SGCD: variants seen among roughly 807,000 people sequenced by gnomAD.
SGCD encodes the protein sarcoglycan delta.
SGCD carries 18 observed loss-of-function variants against 36.6 expected under a neutral mutation model. That is an observed-to-expected ratio of 0.49 (90% CI 0.34 to 0.73). The LOEUF is 0.73. SGCD is among the 30% of genes least tolerant of loss of function. The probability of loss-of-function intolerance (pLI) is 0.01; values close to 1 mark genes in which losing one functional copy is unlikely to be tolerated. For missense variants in SGCD, 387 were observed against 346.7 expected (o/e 1.12, Z -0.92); for synonymous variants, 133 against 130.6 (o/e 1.02, Z -0.12).
intron 7 of SGCD, among the ~76,000 whole-genome samples, chr5:156,737,958 C>T (rs1191111976): frequency 6.6e-6 from 1 of 152,050 alleles, no homozygotes; most frequent in Non-Finnish European, 1.5e-5. Context: ...TAGGCTGAAC[C>T]GATTTTCAAT....
intron 3 of SGCD, among the ~76,000 whole-genome samples, chr5:156,404,326 T>A (rs950950503): frequency 9.9e-5 from 15 of 152,216 alleles, no homozygotes; most frequent in African/African-American, 3.6e-4. Context: ...CAGGGAAATG[T>A]CAGTCTCACA....
the SGCD span, among the ~76,000 whole-genome samples, chr5:155,758,642 T>C: frequency 6.7e-4 from 102 of 152,266 alleles, 1 homozygote; most frequent in South Asian, 4.6e-3. Context: ...ACGAACCGTA[T>C]TGTGAACTGC....
intron 2 of SGCD, among the ~76,000 whole-genome samples, chr5:156,338,384 C>T (rs115211743): frequency 1.3e-5 from 2 of 152,330 alleles, no homozygotes; most frequent in African/African-American, 4.8e-5. Context: ...AGCGGACCAG[C>T]TGTGGATGCT....
At chr5:156,605,438 C>T (rs141749916) in intron 6 of SGCD, among the ~76,000 whole-genome samples, 3,753 of 152,248 alleles carry the variant, frequency 0.025, 156 homozygotes, top group East Asian at 0.17. Flanking sequence ...TTTCTTAATC[C>T]AGTCTATTAT....
At chr5:156,700,382 GGA>G (rs1334049026) in intron 7 of SGCD, among the ~76,000 whole-genome samples, 1 of 151,832 alleles carries the variant, frequency 6.6e-6, no homozygotes, top group Non-Finnish European at 1.5e-5. Context: ...TTTTTCATGG[GGA>G]AAATATAGGT....
At chr5:156,728,078 A>G (rs2113798421) in intron 7 of SGCD, among the ~76,000 whole-genome samples, 1 of 152,346 alleles carries the variant, frequency 6.6e-6, no homozygotes, top group Non-Finnish European at 1.5e-5. Flanking sequence ...ACAGTTGGGT[A>G]AACTGAAGCT....
intron 6 of SGCD, among the ~76,000 whole-genome samples, chr5:156,634,128 GACA>G (rs1360567560): frequency 6.6e-6 from 1 of 152,076 alleles, no homozygotes; most frequent in African/African-American, 2.4e-5. Context: ...TTCCCCACAG[GACA>G]ACGAGCCTAC....
chr5:156,765,149 G>A lies in SGCD; in HGVS notation c.*5759G>A, dbSNP rs1380871248. On this transcript the variant is annotated 3_prime_UTR_variant, in exon 9 of 9. Coordinates refer to ENST00000337851, the MANE Select transcript of SGCD (RefSeq NM_000337.6). ...GCTTGATTTAAAATCCACCCCACAT[G>A]CCTAGAGTTGTCTAATAGTCCCTCA... 1 of 152,178 alleles carries A rather than the reference G, an allele frequency of 6.6e-6. No individual in the cohort carries two copies. Among genetic ancestry groups the A allele is most frequent in the Non-Finnish European group, 1.5e-5 (1 of 68,038 alleles). The allele number at this position is 152,178 out of a possible 1,614,324, so 9.4% of individuals were successfully genotyped here. A position where few individuals can be genotyped will look rare whatever the true frequency, so the allele number is the denominator to read the frequency against.
intron 7 of SGCD, among the ~76,000 whole-genome samples, chr5:156,707,129 C>T (rs570765476): frequency 1.3e-5 from 2 of 152,260 alleles, no homozygotes; most frequent in Non-Finnish European, 2.9e-5. Context: ...ACAAAACTCA[C>T]AAACTTTGGG....
At chr5:155,802,369 TTC>T in the SGCD span, among the ~76,000 whole-genome samples, 1 of 152,222 alleles carries the variant, frequency 6.6e-6, no homozygotes. Context: ...TTATTGAATT[TTC>T]TCTTTCTGGG....
At chr5:156,304,094 G>T (rs1767134094) in intron 3 of SGCD, among the ~76,000 whole-genome samples, 1 of 152,144 alleles carries the variant, frequency 6.6e-6, no homozygotes, top group Non-Finnish European at 1.5e-5. Context: ...TTGGACCACA[G>T]AGCACTTTAG....
chr5:155,783,565 G>A, the SGCD span, among the ~76,000 whole-genome samples: 1 of 151,592 alleles, frequency 6.6e-6, no homozygotes, highest in African/African-American at 2.4e-5. Context: ...AACTCTGAAA[G>A]CATAGTCACT....
At chr5:155,859,619 G>T in the SGCD span, among the ~76,000 whole-genome samples, 4 of 152,004 alleles carry the variant, frequency 2.6e-5, no homozygotes, top group African/African-American at 9.7e-5. Context: ...TTTTGTTGTT[G>T]TTTTTGTTTT....
intron 4 of SGCD, among the ~76,000 whole-genome samples, chr5:156,524,184 CTATATATA>C (rs370041027): frequency 1.3e-5 from 1 of 75,238 alleles, no homozygotes; most frequent in Non-Finnish European, 2.5e-5. Flanking sequence ...ATAGGTCTTA[CTATATATA>C]TATATATATA....
At chr5:156,406,137 T>C (rs1043647762) in intron 3 of SGCD, among the ~76,000 whole-genome samples, 1 of 152,060 alleles carries the variant, frequency 6.6e-6, no homozygotes, top group African/African-American at 2.4e-5. Context: ...CAGACCATGG[T>C]TGGCTTGTTA....
intron 3 of SGCD, among the ~76,000 whole-genome samples, chr5:156,422,972 C>T (rs566816774): frequency 7.3e-5 from 11 of 151,004 alleles, no homozygotes; most frequent in South Asian, 4.2e-4. Flanking sequence ...ACCAAGAAAT[C>T]GGCAAGTTGT....
intron 6 of SGCD, among the ~76,000 whole-genome samples, chr5:156,598,447 C>T (rs1469181534): frequency 1.3e-5 from 2 of 152,182 alleles, no homozygotes; most frequent in Non-Finnish European, 2.9e-5. Context: ...GAGGCTGAGG[C>T]AGGAGAATTG....
intron 1 of SGCD, among the ~76,000 whole-genome samples, chr5:155,945,918 C>A (rs2113420161): frequency 6.6e-6 from 1 of 152,190 alleles, no homozygotes; most frequent in Admixed American, 6.5e-5. Flanking sequence ...GTGAGGGAAC[C>A]AGTTCAAGTG....
At chr5:156,157,173 T>C (rs899743768) in intron 3 of SGCD, among the ~76,000 whole-genome samples, 1 of 151,720 alleles carries the variant, frequency 6.6e-6, no homozygotes, top group Non-Finnish European at 1.5e-5. Context: ...CAAATAGCTG[T>C]GGTCACCATA....
Sources: gnomAD v4.1 joint callset for allele counts (sites outside exome capture counted in the v4.1 genomes callset) on GRCh38, gnomAD v4.1.1 for gene constraint, MANE v1.5 for transcripts, NCBI Gene and HGNC (gene_info 2026-07-23, HGNC 2026-07-21) for gene names.